Variants in CHST9 observed in about 807,000 individuals in gnomAD.
CHST9 encodes the protein carbohydrate sulfotransferase 9.
A neutral mutation model predicts 44.4 loss-of-function variants in CHST9; 41 were observed. The observed-to-expected ratio is 0.92, with a 90% CI of 0.72 to 1.20. CHST9 has a LOEUF of 1.20. CHST9 is among the 50% of genes most tolerant of loss of function. The pLI, the probability that CHST9 is intolerant of heterozygous loss-of-function variation, is 0.00. For synonymous variants in CHST9, 171 were observed against 178.4 expected, an observed-to-expected ratio of 0.96 and a Z score of 0.33; for missense variants, 504 against 516.5, an observed-to-expected ratio of 0.98 and a Z score of 0.23.
intron 3 of CHST9, among the ~76,000 whole-genome samples, chr18:27,027,954 C>T (rs1242966192): frequency 6.6e-6 from 1 of 152,158 alleles, no homozygotes; most frequent in Non-Finnish European, 1.5e-5. Flanking sequence ...AGCAGGAATG[C>T]AGTGGCGCGA....
chr18:26,939,977 C>T (rs2056058963), intron 5 of CHST9, among the ~76,000 whole-genome samples: 1 of 152,158 alleles, frequency 6.6e-6, no homozygotes, highest in African/African-American at 2.4e-5. Context: ...GTACAGTTAC[C>T]TGGGGAACAC....
chr18:27,104,693 T>C (rs925448253), intron 2 of CHST9, among the ~76,000 whole-genome samples: 7 of 152,246 alleles, frequency 4.6e-5, no homozygotes, highest in Admixed American at 2.0e-4. Flanking sequence ...TGTTGAGATA[T>C]GCACTTTCCA....
At chr18:26,928,773 C>T (rs904065922) in intron 5 of CHST9, among the ~76,000 whole-genome samples, 2 of 152,092 alleles carry the variant, frequency 1.3e-5, no homozygotes, top group Non-Finnish European at 2.9e-5. Context: ...TTCTGCAGGG[C>T]GAGTTCTGGC....
rs1210798918 is a variant in CHST9 at position 27,142,921 on chromosome 18, G to A, written c.-96-16C>T. The A allele has an allele frequency of 1.0e-6, 1 of 952,488 alleles. No individual in the cohort carries two copies. 59.0% of individuals were successfully genotyped at this position (952,488 alleles called of 1,614,324 possible). On this transcript the variant is annotated splice_polypyrimidine_tract_variant and intron_variant, in intron 1 of 5. Coordinates refer to ENST00000618847, the MANE Select transcript of CHST9 (RefSeq NM_031422.6). ...ATAAAGTAACCTAGAATTTTAAAAAGAAATCTACATTGTACATTTCTGCTA... is the reference window on the plus strand; with the variant it reads ...ATAAAGTAACCTAGAATTTTAAAAAAAAATCTACATTGTACATTTCTGCTA...
chr18:27,100,296 A>G (rs1292471544), intron 2 of CHST9, among the ~76,000 whole-genome samples: 2 of 152,156 alleles, frequency 1.3e-5, no homozygotes, highest in African/African-American at 2.4e-5. Context: ...TGAAAAACCA[A>G]CTGTTGGGTA....
At chr18:27,150,368 G>A (rs1014930509) in intron 1 of CHST9, among the ~76,000 whole-genome samples, 1 of 152,146 alleles carries the variant, frequency 6.6e-6, no homozygotes, top group Non-Finnish European at 1.5e-5. Context: ...AAACATTACA[G>A]CTTCAGGTGG....
chr18:27,162,516 A>G (rs1309560943), intron 1 of CHST9, among the ~76,000 whole-genome samples: 1 of 152,084 alleles, frequency 6.6e-6, no homozygotes, highest in Non-Finnish European at 1.5e-5. Context: ...GGGTAACCCA[A>G]CCTTTCTCTC....
At chr18:27,012,062 G>A (rs2057091458) in intron 4 of CHST9, among the ~76,000 whole-genome samples, 1 of 152,172 alleles carries the variant, frequency 6.6e-6, no homozygotes, top group South Asian at 2.1e-4. Context: ...GAAAGGGGAG[G>A]CGTGCATCTG....
chr18:26,918,673 A>C (rs17694492), intron 5 of CHST9, among the ~76,000 whole-genome samples: 31,839 of 152,116 alleles, frequency 0.21, 3,634 homozygotes, highest in Middle Eastern at 0.32. Context: ...AAGGATAATT[A>C]GTAATTTTCT....
chr18:27,006,211 G>A (rs1216407990), intron 4 of CHST9, among the ~76,000 whole-genome samples: 1 of 152,116 alleles, frequency 6.6e-6, no homozygotes, highest in African/African-American at 2.4e-5. Context: ...CCTAAGAGAG[G>A]AGGTCCACTG....
chr18:26,995,751 A>G (rs1348354688), intron 4 of CHST9, among the ~76,000 whole-genome samples: 2 of 152,222 alleles, frequency 1.3e-5, no homozygotes, highest in African/African-American at 4.8e-5. Flanking sequence ...AAAACCTAGG[A>G]TGAAAGTTTT....
chr18:27,019,689 C>CAAAAAAAAA (rs60043018), intron 4 of CHST9, among the ~76,000 whole-genome samples: 11 of 91,286 alleles, frequency 1.2e-4, no homozygotes, highest in Non-Finnish European at 1.9e-4. Flanking sequence ...CACTACATGG[C>CAAAAAAAAA]AAAAAAAAAA....
At chr18:26,960,217 G>A (rs1345396228) in intron 4 of CHST9, among the ~76,000 whole-genome samples, 1 of 152,162 alleles carries the variant, frequency 6.6e-6, no homozygotes, top group Non-Finnish European at 1.5e-5. Flanking sequence ...GGGGAGAAGA[G>A]AGCGTAGAAG....
At chr18:27,157,280 TC>T (rs2058705142) in intron 1 of CHST9, among the ~76,000 whole-genome samples, 1 of 152,102 alleles carries the variant, frequency 6.6e-6, no homozygotes, top group Non-Finnish European at 1.5e-5. Flanking sequence ...AATACTGCTC[TC>T]CATACAACAG....
At chr18:27,119,638 GT>G (rs1384745158) in intron 2 of CHST9, among the ~76,000 whole-genome samples, 2 of 137,120 alleles carry the variant, frequency 1.5e-5, no homozygotes, top group Non-Finnish European at 3.1e-5. Flanking sequence ...CTACTTATCA[GT>G]TTTTTTGTTT....
At chr18:27,159,446 C>G (rs2143923004) in intron 1 of CHST9, among the ~76,000 whole-genome samples, 1 of 152,246 alleles carries the variant, frequency 6.6e-6, no homozygotes, top group African/African-American at 2.4e-5. Flanking sequence ...TCTGAGGGAT[C>G]TGTTCTGTTC....
chr18:27,067,658 C>T (rs976753892), intron 2 of CHST9, among the ~76,000 whole-genome samples: 1 of 152,026 alleles, frequency 6.6e-6, no homozygotes, highest in African/African-American at 2.4e-5. Flanking sequence ...CCCATATGTA[C>T]TCTTGCGTAA....
rs577337994 is a variant in CHST9 at position 26,948,752 on chromosome 18, C to T, written c.203-4386G>A. Among the ~76,000 whole-genome samples the T allele has an allele frequency of 3.9e-5, 6 of 152,224 alleles. No homozygotes were observed. In the South Asian group the frequency reaches 1.0e-3, roughly 26 times the overall value. On this transcript the variant is annotated intron_variant, in intron 4 of 5. Transcript: ENST00000618847. ...AAAGGGTTAACAATATCCACCCTTT[C>T]CCAAATTTGTGAGGATTGAATGAAA...
intron 4 of CHST9, among the ~76,000 whole-genome samples, chr18:26,998,720 CAAAACAA>C (rs2056914190): frequency 2.2e-5 from 1 of 44,586 alleles, no homozygotes; most frequent in Non-Finnish European, 5.0e-5. Flanking sequence ...TGTCTCAAAA[CAAAACAA>C]AACAACAACA....
Sources: allele counts gnomAD v4.1 joint callset (sites outside exome capture counted in the v4.1 genomes callset), GRCh38; gene constraint gnomAD v4.1.1; transcripts MANE v1.5; gene names NCBI Gene and HGNC (gene_info 2026-07-23, HGNC 2026-07-21).